Variants in PLEKHG1 observed in about 807,000 individuals in gnomAD.
The protein encoded by PLEKHG1 is pleckstrin homology domain-containing family G member 1.
PLEKHG1 carries 44 observed loss-of-function variants against 100.8 expected under a neutral mutation model. The ratio of observed to expected loss-of-function variants is 0.44; its 90% confidence interval spans 0.34 to 0.56. The LOEUF (loss-of-function observed/expected upper bound fraction) is 0.56, where lower values mean the gene tolerates loss of function less well. Among genes scored for constraint, PLEKHG1 ranks in the 20% least tolerant of loss-of-function variants. The pLI, the probability that PLEKHG1 is intolerant of heterozygous loss-of-function variation, is 0.01. For missense variants in PLEKHG1, 1,545 were observed against 1,720.9 expected (o/e 0.90, Z 1.81); for synonymous variants, 640 against 662.5 (o/e 0.97, Z 0.52).
intron 3 of PLEKHG1, among the ~76,000 whole-genome samples, chr6:150,697,254 A>C (rs188116436): frequency 6.6e-6 from 1 of 152,374 alleles, no homozygotes; most frequent in Admixed American, 6.5e-5. Flanking sequence ...CTCAACCTTT[A>C]AGAAGGTGGA....
At chr6:150,797,134 G>A (rs1023075184) in intron 5 of PLEKHG1, among the ~76,000 whole-genome samples, 8 of 151,850 alleles carry the variant, frequency 5.3e-5, no homozygotes, top group South Asian at 2.1e-4. Context: ...TAATTACACC[G>A]CACCCCACCA....
intron 14 of PLEKHG1, chr6:150,828,324 G>A: frequency 6.2e-7 from 1 of 1,611,714 alleles, no homozygotes; most frequent in Non-Finnish European, 8.5e-7. Flanking sequence ...AAGACGTGTT[G>A]CTCTCCTCAG....
In PLEKHG1 at chr6:150,632,617, G is replaced by C. The variant is rs113894737; in HGVS notation, c.-203-5463G>C. Among the ~76,000 whole-genome samples the C allele has an allele frequency of 1.9e-3, 290 of 152,306 alleles. 1 individual carries two copies. Among genetic ancestry groups the C allele is most frequent in the African/African-American group, 6.6e-3 (275 of 41,558 alleles). ...AGGATGGCAGGAACACATGCAGGCT[G>C]GTAACAAATGTCCTAGGGCCATTAT... On this transcript the variant is annotated intron_variant, in intron 1 of 3. Coordinates refer to the PLEKHG1 transcript ENST00000367326.
chr6:150,793,663 A>AGACTTCCATTG (rs1448562601), intron 4 of PLEKHG1, among the ~76,000 whole-genome samples: 1 of 152,368 alleles, frequency 6.6e-6, no homozygotes, highest in East Asian at 1.9e-4. Context: ...CAATTCCATT[A>AGACTTCCATTG]GACTTCCATT....
chr6:150,778,606 G>A (rs1339268387), intron 3 of PLEKHG1, among the ~76,000 whole-genome samples: 6 of 152,030 alleles, frequency 3.9e-5, no homozygotes, highest in African/African-American at 1.4e-4. Flanking sequence ...ATATTATGTT[G>A]TTTATTCACA....
intron 3 of PLEKHG1, among the ~76,000 whole-genome samples, chr6:150,704,062 G>C (rs1379355556): frequency 6.6e-6 from 1 of 150,698 alleles, no homozygotes; most frequent in African/African-American, 2.5e-5. Flanking sequence ...CAACTTTATC[G>C]GTGCTGAGTT....
chr6:150,629,467 C>CT (rs370408016), intron 1 of PLEKHG1, among the ~76,000 whole-genome samples: 2,262 of 146,718 alleles, frequency 0.015, 26 homozygotes, highest in Non-Finnish European at 0.016. Context: ...GAAAACCATC[C>CT]TTTTTTTTTT....
At chr6:150,658,056 G>A (rs1303999007) in intron 3 of PLEKHG1, among the ~76,000 whole-genome samples, 1 of 152,182 alleles carries the variant, frequency 6.6e-6, no homozygotes, top group Non-Finnish European at 1.5e-5. Flanking sequence ...CTACATTCAT[G>A]TTGACTGAGC....
intron 1 of PLEKHG1, among the ~76,000 whole-genome samples, chr6:150,629,723 T>C (rs1777665557): frequency 6.6e-6 from 1 of 152,214 alleles, no homozygotes. Flanking sequence ...TCTCCCAAAG[T>C]GCTGGGATTA....
chr6:150,750,773 T>A, intron 2 of PLEKHG1, among the ~76,000 whole-genome samples: 1 of 82,194 alleles, frequency 1.2e-5, no homozygotes, highest in Non-Finnish European at 1.9e-5. Flanking sequence ...AGAGCGAGAC[T>A]CCATCTCAAA....
At chr6:150,795,104 C>CCTT (rs1786238476) in intron 4 of PLEKHG1, among the ~76,000 whole-genome samples, 1 of 152,026 alleles carries the variant, frequency 6.6e-6, no homozygotes, top group African/African-American at 2.4e-5. Context: ...AATATAATTT[C>CCTT]AAGGCCAGGC....
intron 2 of PLEKHG1, among the ~76,000 whole-genome samples, chr6:150,759,631 C>A (rs1784047784): frequency 6.6e-6 from 1 of 152,050 alleles, no homozygotes; most frequent in South Asian, 2.1e-4. Flanking sequence ...GACCCGTCTC[C>A]TAGGGTTGCG....
intron 2 of PLEKHG1, among the ~76,000 whole-genome samples, chr6:150,736,142 A>T (rs1782547455): frequency 6.6e-6 from 1 of 152,176 alleles, no homozygotes. Flanking sequence ...AAAAGCAGCC[A>T]TGTACACTGT....
intron 3 of PLEKHG1, among the ~76,000 whole-genome samples, chr6:150,697,966 TA>T (rs1780615491): frequency 6.6e-6 from 1 of 151,982 alleles, no homozygotes; most frequent in African/African-American, 2.4e-5. Flanking sequence ...TGTTTGTTTT[TA>T]AAGAATGTTA....
chr6:150,699,889 A>G (rs1430421038), intron 3 of PLEKHG1, among the ~76,000 whole-genome samples: 2 of 151,402 alleles, frequency 1.3e-5, no homozygotes, highest in African/African-American at 4.9e-5. Flanking sequence ...TTCTGAGGAT[A>G]AAGACTGGCA....
intron 3 of PLEKHG1, among the ~76,000 whole-genome samples, chr6:150,707,004 T>TC (rs1277414604): frequency 3.8e-5 from 5 of 130,904 alleles, no homozygotes; most frequent in African/African-American, 5.6e-5. Context: ...TTTTCTTTTT[T>TC]TTTTTTTTTT....
exon 1 of PLEKHG1, chr6:150,599,991 C>T (rs2128547651): frequency 8.5e-6 from 2 of 236,604 alleles, no homozygotes; most frequent in South Asian, 7.5e-5. Flanking sequence ...GAGCGCCGCC[C>T]GGGCATGCGA....
At chr6:150,665,927 T>G (rs1041620895) in intron 3 of PLEKHG1, among the ~76,000 whole-genome samples, 6 of 152,160 alleles carry the variant, frequency 3.9e-5, no homozygotes, top group African/African-American at 1.4e-4. Context: ...ATGTATAAAC[T>G]TGGCCTCACT....
At chr6:150,689,950 A>G (rs1780283942) in intron 3 of PLEKHG1, among the ~76,000 whole-genome samples, 1 of 152,108 alleles carries the variant, frequency 6.6e-6, no homozygotes, top group African/African-American at 2.4e-5. Flanking sequence ...TTCTTTTGAC[A>G]TTAAAATTTA....
Sources: allele counts gnomAD v4.1 joint callset (sites outside exome capture counted in the v4.1 genomes callset), GRCh38; gene constraint gnomAD v4.1.1; transcripts MANE v1.5; gene names NCBI Gene and HGNC (gene_info 2026-07-23, HGNC 2026-07-21).